Variants in LUZP2 observed in about 807,000 individuals in gnomAD.
LUZP2 encodes leucine zipper protein 2.
A neutral mutation model predicts 51.6 loss-of-function variants in LUZP2; 52 were observed. The ratio of observed to expected loss-of-function variants is 1.01; its 90% CI spans 0.81 to 1.27. The LOEUF (loss-of-function observed/expected upper bound fraction) is 1.27, where lower values mean the gene tolerates loss of function less well. LUZP2 is among the 50% of genes most tolerant of loss of function. LUZP2 has a pLI of 0.00. For synonymous variants in LUZP2, 154 were observed against 137.3 expected (o/e 1.12, Z -0.85); for missense variants, 436 against 395.4 (o/e 1.10, Z -0.87).
intron 7 of LUZP2, among the ~76,000 whole-genome samples, chr11:24,915,994 TTTTA>T (rs988293572): frequency 3.9e-5 from 6 of 152,028 alleles, no homozygotes; most frequent in Admixed American, 1.3e-4. Flanking sequence ...TTATTTTATT[TTTTA>T]TTTATTTATT....
intron 5 of LUZP2, among the ~76,000 whole-genome samples, chr11:24,854,481 A>AT (rs1242385893): frequency 6.6e-6 from 1 of 152,146 alleles, no homozygotes. Context: ...ATCAAGCTTG[A>AT]GCATACCAGG....
chr11:24,894,566 C>T (rs1177119268), intron 5 of LUZP2, among the ~76,000 whole-genome samples: 2 of 151,814 alleles, frequency 1.3e-5, no homozygotes, highest in Non-Finnish European at 2.9e-5. Context: ...AGCATAGTAC[C>T]CAGTAGTTTT....
At chr11:24,869,472 A>G (rs1851992030) in intron 5 of LUZP2, among the ~76,000 whole-genome samples, 1 of 151,808 alleles carries the variant, frequency 6.6e-6, no homozygotes, top group Admixed American at 6.6e-5. Flanking sequence ...TATTATCATT[A>G]TTTAGATGGA....
chr11:24,899,121 C>T (rs1012658539), intron 5 of LUZP2, among the ~76,000 whole-genome samples: 4 of 152,054 alleles, frequency 2.6e-5, no homozygotes, highest in Non-Finnish European at 5.9e-5. Flanking sequence ...TTAGAAATTT[C>T]TAAACTTATT....
intron 1 of LUZP2, among the ~76,000 whole-genome samples, chr11:24,602,415 CAT>C (rs1853766403): frequency 7.2e-6 from 1 of 138,578 alleles, no homozygotes; most frequent in African/African-American, 2.7e-5. Context: ...CACACACACA[CAT>C]ACATCCCTAT....
chr11:24,894,645 A>G (rs1356870423), intron 5 of LUZP2, among the ~76,000 whole-genome samples: 1 of 148,362 alleles, frequency 6.7e-6, no homozygotes, highest in Non-Finnish European at 1.5e-5. Flanking sequence ...TATTATCCTT[A>G]TCTTTATGTC....
intron 1 of LUZP2, among the ~76,000 whole-genome samples, chr11:24,595,367 G>C (rs1240169370): frequency 3.3e-5 from 5 of 152,068 alleles, no homozygotes; most frequent in Admixed American, 3.3e-4. Context: ...ACAGGCACTG[G>C]GGAACTAATT....
intron 1 of LUZP2, among the ~76,000 whole-genome samples, chr11:24,635,474 A>G (rs1373087626): frequency 6.6e-6 from 1 of 151,972 alleles, no homozygotes; most frequent in East Asian, 1.9e-4. Context: ...ACACATTTCA[A>G]TCTACATTAA....
At chr11:24,576,468 C>T (rs1479899112) in intron 1 of LUZP2, among the ~76,000 whole-genome samples, 1 of 143,048 alleles carries the variant, frequency 7.0e-6, no homozygotes, top group Non-Finnish European at 1.5e-5. Flanking sequence ...CCATATTTGA[C>T]ACAGGTCAAT....
rs181220559 is a variant in LUZP2 at position 25,005,543 on chromosome 11, A to G, written c.765+22250A>G. Among the ~76,000 whole-genome samples the G allele has an allele frequency of 3.0e-3, 459 of 152,174 alleles. 1 individual carries two copies. The highest frequency in any genetic ancestry group is 5.8e-3 in the South Asian group (28 of 4,826). Reference sequence around the variant, plus strand: ...TTTGCAGGTCAAATTGGTCCCAATGACTTAGGATGCATTTCCAGGGTGAAC... The same window carrying G: ...TTTGCAGGTCAAATTGGTCCCAATGGCTTAGGATGCATTTCCAGGGTGAAC... On this transcript the variant is annotated intron_variant, in intron 9 of 11. Coordinates refer to ENST00000336930, the MANE Select transcript of LUZP2 (RefSeq NM_001009909.4).
At chr11:25,007,253 C>A (rs1385033532) in intron 9 of LUZP2, among the ~76,000 whole-genome samples, 1 of 152,122 alleles carries the variant, frequency 6.6e-6, no homozygotes, top group East Asian at 1.9e-4. Context: ...TGTTATTGTA[C>A]AAATTATAGA....
At position 24,712,144 on chromosome 11, in the gene LUZP2, G is replaced by C. The variant is rs74233541; in HGVS notation, c.63-17025G>C. On this transcript the variant is annotated intron_variant, in intron 1 of 11. Coordinates refer to ENST00000336930, the MANE Select transcript of LUZP2 (RefSeq NM_001009909.4). ...TTATAAACTGTGCTTAATTTGGCTG[G>C]ACTCAGTTGCTCACACCTGGAATCC... Among the ~76,000 whole-genome samples the C allele has an allele frequency of 2.4e-3, 368 of 152,254 alleles. 15 individuals are homozygous for C. The East Asian group carries it at 0.055, about 23-fold the overall frequency.
At chr11:24,976,747 T>A in intron 8 of LUZP2, 82 bp downstream of exon 8, 2 of 709,946 alleles carry the variant, frequency 2.8e-6, no homozygotes, top group Non-Finnish European at 4.2e-6. Context: ...GTATGCTCAT[T>A]GCTTTTCTTG....
chr11:25,013,900 T>TC (rs1260364731), intron 9 of LUZP2, among the ~76,000 whole-genome samples: 2 of 152,080 alleles, frequency 1.3e-5, no homozygotes, highest in East Asian at 1.9e-4. Context: ...CCCTCCCCTG[T>TC]CCCCCCACCC....
chr11:25,023,660 T>C (rs1208630227), intron 9 of LUZP2, among the ~76,000 whole-genome samples: 1 of 152,148 alleles, frequency 6.6e-6, no homozygotes, highest in East Asian at 1.9e-4. Flanking sequence ...CTTAGTTATT[T>C]CTTGCCTTCT....
chr11:24,642,242 CAG>C (rs926774473), intron 1 of LUZP2, among the ~76,000 whole-genome samples: 16 of 151,900 alleles, frequency 1.1e-4, no homozygotes, highest in Middle Eastern at 3.4e-3. Flanking sequence ...TCATCTTTAG[CAG>C]AGTTACACAA....
chr11:24,700,372 T>A (rs1857389249), intron 1 of LUZP2, among the ~76,000 whole-genome samples: 1 of 152,178 alleles, frequency 6.6e-6, no homozygotes, highest in Non-Finnish European at 1.5e-5. Context: ...CTTATTTTCC[T>A]GAACTTTTTA....
intron 3 of LUZP2, among the ~76,000 whole-genome samples, chr11:24,733,427 G>C (rs1417544869): frequency 6.6e-6 from 1 of 151,694 alleles, no homozygotes; most frequent in Admixed American, 6.6e-5. Flanking sequence ...AGCAATAGTA[G>C]AACATTATTC....
Position 24,741,910 on chromosome 11 carries a change from TAATATATACATTTATATATTATATATAAA to T in LUZP2, c.333+3609_333+3637del, listed in dbSNP as rs1284743006. 7.5e-5 allele frequency among the ~76,000 whole-genome samples: 8 copies of T among 106,498 alleles called. No homozygotes were observed. In the East Asian group the frequency reaches 1.3e-3, roughly 18 times the overall value. 69.9% of individuals were successfully genotyped at this position (106,498 alleles called of 152,430 possible). On this transcript the variant is annotated intron_variant, in intron 4 of 11. Coordinates refer to ENST00000336930, the MANE Select transcript of LUZP2 (RefSeq NM_001009909.4). ...ATTTATATACATATATATTTCTATA[TAATATATACATTTATATATTATATATAAA>T]TATATACATTTATATATTATATATA...
Sources: allele counts gnomAD v4.1 joint callset (sites outside exome capture counted in the v4.1 genomes callset), GRCh38; gene constraint gnomAD v4.1.1; transcripts MANE v1.5; gene names NCBI Gene and HGNC (gene_info 2026-07-23, HGNC 2026-07-21).